The following GPC3 variants were observed in gnomAD, a reference collection of about 807,000 sequenced individuals.
GPC3 encodes glypican-3.
A neutral mutation model predicts 34.4 loss-of-function variants in GPC3; 3 were observed. The ratio of observed to expected loss-of-function variants is 0.09; its 90% CI spans 0.04 to 0.23. GPC3 has a LOEUF of 0.23. Among genes scored for constraint, GPC3 ranks in the 10% least tolerant of loss-of-function variants. The pLI, the probability that GPC3 is intolerant of heterozygous loss-of-function variation, is 1.00. For synonymous variants in GPC3, 177 were observed against 174.0 expected, an observed-to-expected ratio of 1.02 and a Z score of -0.13; for missense variants, 351 against 445.6, an observed-to-expected ratio of 0.79 and a Z score of 1.91.
At chrX:133,929,735 A>G (rs1248301656) in intron 2 of GPC3, among the ~76,000 whole-genome samples, 2 of 112,255 alleles carry the variant, frequency 1.8e-5, no homozygotes, top group African/African-American at 6.5e-5. Context: ...AAAACTATAC[A>G]ATCTATGTGC....
intron 2 of GPC3, among the ~76,000 whole-genome samples, chrX:133,947,373 C>T (rs1255932352): frequency 9.0e-6 from 1 of 111,453 alleles, no homozygotes; most frequent in African/African-American, 3.3e-5. Flanking sequence ...ATCTCCTCAC[C>T]TCATGGTTGG....
intron 5 of GPC3, among the ~76,000 whole-genome samples, chrX:133,666,037 T>C (rs1333254992): frequency 8.9e-6 from 1 of 111,807 alleles, no homozygotes; most frequent in African/African-American, 3.3e-5. Context: ...CTCATTGGAA[T>C]AGTGTAAAGA....
At chrX:133,888,374 C>T (rs1378194388) in intron 2 of GPC3, among the ~76,000 whole-genome samples, 2 of 111,785 alleles carry the variant, frequency 1.8e-5, no homozygotes, top group Non-Finnish European at 3.8e-5. Context: ...AATAGTGCCA[C>T]AATAAACATA....
At chrX:133,766,606 T>C (rs1358010140) in intron 2 of GPC3, among the ~76,000 whole-genome samples, 1 of 112,154 alleles carries the variant, frequency 8.9e-6, no homozygotes, top group African/African-American at 3.2e-5. Flanking sequence ...TATCATTGAA[T>C]GTGAGCATGT....
intron 2 of GPC3, among the ~76,000 whole-genome samples, chrX:133,806,651 A>T (rs977315348): frequency 9.4e-5 from 10 of 105,879 alleles, no homozygotes; most frequent in South Asian, 3.9e-4. Context: ...TTATTTATTT[A>T]TTTTTTTGAG....
At chrX:133,756,431 CT>C (rs1443906771) in intron 2 of GPC3, among the ~76,000 whole-genome samples, 1 of 112,302 alleles carries the variant, frequency 8.9e-6, no homozygotes, top group African/African-American at 3.2e-5. Context: ...CACCTTTCAC[CT>C]TTGCCTTTGT....
chrX:133,564,803 T>C (rs1422261338), intron 7 of GPC3, among the ~76,000 whole-genome samples: 4 of 111,948 alleles, frequency 3.6e-5, no homozygotes, highest in Admixed American at 2.9e-4. Context: ...TCGGCCCTCA[T>C]GATATAAAAT....
At chrX:133,836,847 G>A (rs2075801973) in intron 2 of GPC3, among the ~76,000 whole-genome samples, 1 of 111,783 alleles carries the variant, frequency 8.9e-6, no homozygotes, top group Non-Finnish European at 1.9e-5. Flanking sequence ...GTTCTTCAGA[G>A]GCCATCTTGG....
intron 3 of GPC3, among the ~76,000 whole-genome samples, chrX:133,741,908 T>G (rs1225505646): frequency 8.8e-6 from 1 of 113,066 alleles, no homozygotes; most frequent in Non-Finnish European, 1.9e-5. Flanking sequence ...TGAATGAATG[T>G]TCTTTATAAC....
intron 6 of GPC3, among the ~76,000 whole-genome samples, chrX:133,603,606 G>A (rs1022396142): frequency 1.6e-4 from 18 of 111,624 alleles, no homozygotes; most frequent in African/African-American, 3.3e-4. Flanking sequence ...TTGTAGTTAC[G>A]GAAAATACCC....
chrX:133,672,946 G>C (rs1308564161), intron 5 of GPC3, among the ~76,000 whole-genome samples: 1 of 86,171 alleles, frequency 1.2e-5, no homozygotes, highest in Admixed American at 1.3e-4. Context: ...CACTGCACCC[G>C]ACTGTTTGTT....
chrX:133,723,890 C>T (rs1243703110), intron 3 of GPC3, among the ~76,000 whole-genome samples: 2 of 112,059 alleles, frequency 1.8e-5, no homozygotes, highest in African/African-American at 3.2e-5. Flanking sequence ...AACAGATTTC[C>T]TTATCATTAG....
intron 1 of GPC3, among the ~76,000 whole-genome samples, chrX:133,963,945 T>C (rs894339927): frequency 1.3e-4 from 15 of 111,385 alleles, no homozygotes; most frequent in African/African-American, 4.6e-4. Flanking sequence ...CAATGTCATA[T>C]ACCACAGAAT....
At chrX:133,878,215 G>T (rs988288996) in intron 2 of GPC3, among the ~76,000 whole-genome samples, 2 of 111,177 alleles carry the variant, frequency 1.8e-5, no homozygotes, top group African/African-American at 6.5e-5. Flanking sequence ...ATTACCTGAG[G>T]TCAGGAGGTC....
chrX:133,657,936 G>A (rs1264878209), intron 6 of GPC3, among the ~76,000 whole-genome samples: 3 of 105,962 alleles, frequency 2.8e-5, no homozygotes, highest in Non-Finnish European at 5.8e-5. Context: ...GAGAGAGAGA[G>A]GAGAAGTATT....
intron 2 of GPC3, among the ~76,000 whole-genome samples, chrX:133,868,024 T>C (rs1302556081): frequency 1.8e-5 from 2 of 110,239 alleles, no homozygotes; most frequent in African/African-American, 6.6e-5. Context: ...ATATTCACCC[T>C]TCAAGCCCAT....
chrX:133,741,409 A>G (rs1330929774), intron 3 of GPC3, among the ~76,000 whole-genome samples: 1 of 111,877 alleles, frequency 8.9e-6, no homozygotes, highest in East Asian at 2.8e-4. Flanking sequence ...CGTAGAAAAC[A>G]GGATGAATAG....
At chrX:133,862,084 T>C (rs1335885442) in intron 2 of GPC3, among the ~76,000 whole-genome samples, 1 of 110,042 alleles carries the variant, frequency 9.1e-6, no homozygotes, top group African/African-American at 3.3e-5. Context: ...GGATTTTTTT[T>C]TTTTGCCACT....
At chrX:133,795,293 C>T (rs2075572634) in intron 2 of GPC3, among the ~76,000 whole-genome samples, 1 of 112,561 alleles carries the variant, frequency 8.9e-6, no homozygotes, top group Non-Finnish European at 1.9e-5. Flanking sequence ...CTTTATCTGC[C>T]TGTCAGGGAC....
Sources: gnomAD v4.1 joint callset for allele counts (sites outside exome capture counted in the v4.1 genomes callset) on GRCh38, gnomAD v4.1.1 for gene constraint, MANE v1.5 for transcripts, NCBI Gene and HGNC (gene_info 2026-07-23, HGNC 2026-07-21) for gene names.